The following IL1RAPL2 variants were observed in gnomAD, a reference collection of about 807,000 sequenced individuals.
IL1RAPL2 encodes X-linked interleukin-1 receptor accessory protein-like 2.
A neutral mutation model predicts 44.1 loss-of-function variants in IL1RAPL2; 3 were observed. The ratio of observed to expected loss-of-function variants is 0.07; its 90% confidence interval spans 0.03 to 0.18. The LOEUF is 0.18. Ranked by LOEUF, IL1RAPL2 falls within the 10% of genes least tolerant of loss-of-function variation. IL1RAPL2 has a pLI of 1.00. For synonymous variants in IL1RAPL2, 181 were observed against 178.8 expected (o/e 1.01, Z -0.10); for missense variants, 391 against 496.4 (o/e 0.79, Z 2.02).
At chrX:104,875,013 G>A (rs1922866162) in intron 2 of IL1RAPL2, among the ~76,000 whole-genome samples, 2 of 111,452 alleles carry the variant, frequency 1.8e-5, no homozygotes, top group African/African-American at 6.5e-5. Flanking sequence ...ATCTCACTCA[G>A]TGTTACATCT....
chrX:105,010,118 G>A (rs977149005), intron 2 of IL1RAPL2, among the ~76,000 whole-genome samples: 1 of 111,167 alleles, frequency 9.0e-6, no homozygotes, highest in African/African-American at 3.3e-5. Flanking sequence ...TTAAAAGCAG[G>A]TAGGGCTCAA....
intron 2 of IL1RAPL2, among the ~76,000 whole-genome samples, chrX:104,994,576 C>A (rs1179042451): frequency 9.0e-6 from 1 of 111,296 alleles, no homozygotes; most frequent in Non-Finnish European, 1.9e-5. Flanking sequence ...AAGTTTAACC[C>A]TTAAAATAAC....
At chrX:105,665,245 T>A (rs2037750469) in intron 6 of IL1RAPL2, among the ~76,000 whole-genome samples, 1 of 111,354 alleles carries the variant, frequency 9.0e-6, no homozygotes, top group African/African-American at 3.3e-5. Context: ...TCAAGCATAG[T>A]GGATTTTCAT....
intron 2 of IL1RAPL2, among the ~76,000 whole-genome samples, chrX:104,713,870 A>G (rs774134758): frequency 8.1e-5 from 9 of 111,055 alleles, no homozygotes; most frequent in African/African-American, 2.0e-4. Context: ...GTCAGAATTA[A>G]TTACCTGGCT....
At chrX:105,758,233 C>T (rs1262321764) in intron 10 of IL1RAPL2, among the ~76,000 whole-genome samples, 2 of 111,670 alleles carry the variant, frequency 1.8e-5, no homozygotes, top group East Asian at 5.6e-4. Flanking sequence ...TCTTGATCCA[C>T]AACAATAATT....
chrX:105,489,316 A>C (rs1276459109), intron 6 of IL1RAPL2, among the ~76,000 whole-genome samples: 1 of 111,911 alleles, frequency 8.9e-6, no homozygotes, highest in African/African-American at 3.2e-5. Context: ...AGCAGTTGAA[A>C]AAAAAATATT....
intron 6 of IL1RAPL2, among the ~76,000 whole-genome samples, chrX:105,688,547 T>G (rs932692677): frequency 9.0e-6 from 1 of 111,335 alleles, no homozygotes; most frequent in Non-Finnish European, 1.9e-5. Context: ...GGAGAACTAC[T>G]AACCACTGCT....
rs574422460 is a variant in IL1RAPL2 at position 105,227,737 on chromosome X, T to G, written c.357-6081T>G. Among the ~76,000 whole-genome samples the G allele has an allele frequency of 5.3e-5, 6 of 112,161 alleles. No individual in the cohort carries two copies. In the South Asian group the frequency reaches 2.2e-3, roughly 41 times the overall value. On this transcript the variant is annotated intron_variant, in intron 3 of 10. Transcript: ENST00000372582. ...ATGCATTAACATTGCAAGTTTGCAGTTTTATGTAATTATTTATGCAGACAT... is the reference window on the plus strand; with the variant it reads ...ATGCATTAACATTGCAAGTTTGCAGGTTTATGTAATTATTTATGCAGACAT...
At position 104,615,968 on chromosome X, in the gene IL1RAPL2, C is replaced by G. The variant is rs752399759; in HGVS notation, c.-19-42927C>G. On this transcript the variant is annotated intron_variant, in intron 1 of 10. Transcript: ENST00000372582. Reference sequence around the variant, plus strand: ...CATTGTGGTTTTGATTTGCATTTCTCTAATGATCAGTGATGTTGAGCTTTT... The same window carrying G: ...CATTGTGGTTTTGATTTGCATTTCTGTAATGATCAGTGATGTTGAGCTTTT... Among the ~76,000 whole-genome samples, 3 of 112,391 alleles carry G rather than the reference C, an allele frequency of 2.7e-5. No homozygotes were observed. The East Asian group carries it at 8.4e-4, about 31-fold the overall frequency.
intron 2 of IL1RAPL2, among the ~76,000 whole-genome samples, chrX:104,717,374 A>G (rs1355181662): frequency 9.3e-6 from 1 of 107,864 alleles, no homozygotes; most frequent in Non-Finnish European, 1.9e-5. Context: ...GTATTACTTC[A>G]TTGACAGAAC....
chrX:104,897,157 TC>T (rs1395929253), intron 2 of IL1RAPL2, among the ~76,000 whole-genome samples: 1 of 112,014 alleles, frequency 8.9e-6, no homozygotes. Context: ...GCTCAGCTGG[TC>T]ACTTATCAGG....
chrX:105,159,625 A>G (rs2033303241), intron 2 of IL1RAPL2, among the ~76,000 whole-genome samples: 1 of 112,251 alleles, frequency 8.9e-6, no homozygotes, highest in Non-Finnish European at 1.9e-5. Context: ...CTGGAAACAC[A>G]TTGCTTTCCA....
intron 5 of IL1RAPL2, among the ~76,000 whole-genome samples, chrX:105,417,300 C>A (rs1166398956): frequency 9.0e-6 from 1 of 111,725 alleles, no homozygotes; most frequent in Non-Finnish European, 1.9e-5. Flanking sequence ...TGGTGAAACC[C>A]CATCTCTACT....
chrX:105,211,504 A>G (rs998511166), intron 3 of IL1RAPL2, among the ~76,000 whole-genome samples: 1 of 111,220 alleles, frequency 9.0e-6, no homozygotes, highest in African/African-American at 3.3e-5. Context: ...ACTCACTCAG[A>G]TCATGAATGA....
intron 7 of IL1RAPL2, among the ~76,000 whole-genome samples, chrX:105,735,279 C>T (rs747712474): frequency 9.0e-6 from 1 of 110,733 alleles, no homozygotes; most frequent in East Asian, 2.9e-4. Context: ...TATTTAGACC[C>T]CTCTGGTTAC....
At chrX:105,196,239 G>A (rs186828815) in intron 3 of IL1RAPL2, among the ~76,000 whole-genome samples, 1,300 of 110,640 alleles carry the variant, frequency 0.012, 14 homozygotes, top group African/African-American at 0.041. Flanking sequence ...CCGAGATCGC[G>A]CCACTGCACT....
chrX:104,924,282 C>G (rs1388324595), intron 2 of IL1RAPL2, among the ~76,000 whole-genome samples: 2 of 111,549 alleles, frequency 1.8e-5, no homozygotes, highest in Non-Finnish European at 3.8e-5. Context: ...GCCTTGATGA[C>G]CTGTCTAGCA....
chrX:105,654,667 G>T (rs1363260850), intron 6 of IL1RAPL2, among the ~76,000 whole-genome samples: 2 of 111,276 alleles, frequency 1.8e-5, no homozygotes, highest in Non-Finnish European at 3.8e-5. Context: ...TACCAAACAG[G>T]CTAAAAACAT....
intron 5 of IL1RAPL2, among the ~76,000 whole-genome samples, chrX:105,292,582 G>T (rs1444523730): frequency 1.8e-5 from 2 of 111,620 alleles, no homozygotes; most frequent in Non-Finnish European, 3.8e-5. Flanking sequence ...TGATAAGCCA[G>T]GCATTAAACA....
Sources: gnomAD v4.1 joint callset for allele counts (sites outside exome capture counted in the v4.1 genomes callset) on GRCh38, gnomAD v4.1.1 for gene constraint, MANE v1.5 for transcripts, NCBI Gene and HGNC (gene_info 2026-07-23, HGNC 2026-07-21) for gene names.